The following HOMER1 variants were observed in gnomAD, a reference collection of about 807,000 sequenced individuals.
The protein encoded by HOMER1 is homer protein homolog 1.
In HOMER1, 3 loss-of-function variants were observed where a neutral mutation model predicts 48.9. The ratio of observed to expected loss-of-function variants is 0.06; its 90% CI spans 0.03 to 0.16. HOMER1 has a LOEUF of 0.16. HOMER1 is among the 10% of genes least tolerant of loss of function. HOMER1 has a pLI of 1.00. For synonymous variants in HOMER1, 134 were observed against 146.4 expected (o/e 0.92, Z 0.61); for missense variants, 247 against 411.4 (o/e 0.60, Z 3.46).
intron 5 of HOMER1, among the ~76,000 whole-genome samples, chr5:79,403,475 T>A (rs1233005175): frequency 6.6e-6 from 1 of 152,178 alleles, no homozygotes; most frequent in Non-Finnish European, 1.5e-5. Flanking sequence ...TCTGTAGTAT[T>A]CTTGCAATAA....
rs377697678 is a variant in HOMER1, at chr5:79,498,639, T to C, written c.5+14131A>G. 1.5e-4 allele frequency among the ~76,000 whole-genome samples: 23 copies of C among 152,282 alleles called. 1 individual carries two copies. Among genetic ancestry groups the C allele is most frequent in the Admixed American group, 7.2e-4 (11 of 15,308 alleles). On this transcript the variant is annotated intron_variant, in intron 1 of 8. Transcript: ENST00000334082. ...CTTCTACCTCATACTATCACACATT[T>C]TTCTGCTCAGCCAATGGCAGCATAA...
At chr5:79,433,319 G>C (rs898517722) in intron 5 of HOMER1, among the ~76,000 whole-genome samples, 2 of 151,892 alleles carry the variant, frequency 1.3e-5, no homozygotes, top group African/African-American at 2.4e-5. Flanking sequence ...CATCTCCTTT[G>C]GGGGGCCGAG....
At chr5:79,452,776 T>A (rs1398811660) in intron 2 of HOMER1, among the ~76,000 whole-genome samples, 1 of 152,138 alleles carries the variant, frequency 6.6e-6, no homozygotes, top group Non-Finnish European at 1.5e-5. Context: ...TATGCTCAAT[T>A]AAGTGTTTTT....
At chr5:79,395,218 T>A (rs1749350404) in intron 8 of HOMER1, among the ~76,000 whole-genome samples, 1 of 152,186 alleles carries the variant, frequency 6.6e-6, no homozygotes, top group Non-Finnish European at 1.5e-5. Flanking sequence ...GCTTGAATCA[T>A]CGCAAGTACC....
chr5:79,377,681 AT>A (rs1248288812), intron 8 of HOMER1, among the ~76,000 whole-genome samples: 1 of 152,232 alleles, frequency 6.6e-6, no homozygotes, highest in Non-Finnish European at 1.5e-5. Context: ...TTTTAAAAAA[AT>A]TAGATCACTG....
At chr5:79,491,438 CAAAAAAAA>C (rs56778843) in intron 1 of HOMER1, among the ~76,000 whole-genome samples, 22 of 57,710 alleles carry the variant, frequency 3.8e-4, no homozygotes, top group South Asian at 2.8e-3. Context: ...GACCTTGTCT[CAAAAAAAA>C]AAAAAAAAAA....
At chr5:79,390,187 G>A (rs189804466) in intron 8 of HOMER1, among the ~76,000 whole-genome samples, 1 of 152,122 alleles carries the variant, frequency 6.6e-6, no homozygotes, top group African/African-American at 2.4e-5. Flanking sequence ...TCGGGAGGCT[G>A]AGTAGGGAGA....
intron 5 of HOMER1, among the ~76,000 whole-genome samples, chr5:79,415,945 G>A (rs1178605241): frequency 2.0e-5 from 3 of 152,086 alleles, no homozygotes; most frequent in African/African-American, 7.2e-5. Flanking sequence ...TAAAATTAGG[G>A]TTATTAACAA....
At chr5:79,489,715 A>G (rs1030826429) in intron 1 of HOMER1, among the ~76,000 whole-genome samples, 2 of 152,206 alleles carry the variant, frequency 1.3e-5, no homozygotes, top group Admixed American at 6.5e-5. Context: ...CTACTTTAAA[A>G]TGTTGATATA....
chr5:79,380,699 A>G (rs1027975833), intron 8 of HOMER1, among the ~76,000 whole-genome samples: 4 of 152,072 alleles, frequency 2.6e-5, no homozygotes, highest in Non-Finnish European at 4.4e-5. Context: ...GATCCCCTCC[A>G]TGTCACAGCA....
chr5:79,503,534 G>GA (rs751672080), intron 1 of HOMER1, among the ~76,000 whole-genome samples: 218 of 17,324 alleles, frequency 0.013, no homozygotes, highest in African/African-American at 0.022. Context: ...GTCACAAAGA[G>GA]AAAAAAAAAA....
intron 1 of HOMER1, among the ~76,000 whole-genome samples, chr5:79,473,976 G>A (rs540356928): frequency 1.3e-5 from 2 of 151,948 alleles, no homozygotes; most frequent in Admixed American, 1.3e-4. Context: ...TAGGTACTTT[G>A]GCAGAAATAG....
chr5:79,421,667 G>C (rs532261514), intron 5 of HOMER1, among the ~76,000 whole-genome samples: 117 of 151,290 alleles, frequency 7.7e-4, no homozygotes, highest in African/African-American at 2.8e-3. Flanking sequence ...GTGCAATGGC[G>C]CAATCTTGGC....
rs78896518 is a variant in HOMER1, at chr5:79,475,633, C to G, written c.6-18615G>C. Among the ~76,000 whole-genome samples, 3,190 of 152,234 alleles carry G rather than the reference C, an allele frequency of 0.021. 163 individuals are homozygous for G. The East Asian group carries it at 0.24, about 11-fold the overall frequency. On this transcript the variant is annotated intron_variant, in intron 1 of 8. Coordinates refer to ENST00000334082, the MANE Select transcript of HOMER1 (RefSeq NM_004272.5). Reference sequence around the variant, plus strand: ...TTGGAATGAATAACCAACTTCTAGTCTCTAAGCCTCAACAGGCTAACACTA... The same window carrying G: ...TTGGAATGAATAACCAACTTCTAGTGTCTAAGCCTCAACAGGCTAACACTA...
At chr5:79,415,869 G>C (rs1749930258) in intron 5 of HOMER1, among the ~76,000 whole-genome samples, 1 of 152,176 alleles carries the variant, frequency 6.6e-6, no homozygotes, top group African/African-American at 2.4e-5. Context: ...TATGGCTGTA[G>C]TCATTTAATA....
At chr5:79,476,839 G>A (rs1176490619) in intron 1 of HOMER1, among the ~76,000 whole-genome samples, 1 of 152,086 alleles carries the variant, frequency 6.6e-6, no homozygotes, top group African/African-American at 2.4e-5. Context: ...ATGTCAAAAT[G>A]TGATTGGACA....
At chr5:79,408,708 C>T (rs1458550491) in intron 5 of HOMER1, among the ~76,000 whole-genome samples, 5 of 152,076 alleles carry the variant, frequency 3.3e-5, no homozygotes, top group Admixed American at 1.3e-4. Context: ...AGATATTATA[C>T]AATACCAAAA....
chr5:79,495,331 T>TA (rs1022264907), intron 1 of HOMER1, among the ~76,000 whole-genome samples: 18 of 152,254 alleles, frequency 1.2e-4, no homozygotes, highest in African/African-American at 4.1e-4. Flanking sequence ...TAAAATACCC[T>TA]AACAACCACT....
chr5:79,459,840 G>C (rs899035736), intron 1 of HOMER1, among the ~76,000 whole-genome samples: 3 of 152,136 alleles, frequency 2.0e-5, no homozygotes, highest in Non-Finnish European at 4.4e-5. Flanking sequence ...TTGCACAGTG[G>C]GAGGAGGGCT....
Sources: allele counts gnomAD v4.1 joint callset (sites outside exome capture counted in the v4.1 genomes callset), GRCh38; gene constraint gnomAD v4.1.1; transcripts MANE v1.5; gene names NCBI Gene and HGNC (gene_info 2026-07-23, HGNC 2026-07-21).